Variants in NTNG1 observed in about 807,000 individuals in gnomAD.
NTNG1 encodes the protein netrin G1.
In NTNG1, 16 loss-of-function variants were observed where a neutral mutation model predicts 54.0. The observed-to-expected ratio is 0.30, with a 90% CI of 0.20 to 0.45. NTNG1 has a LOEUF of 0.45. NTNG1 is among the 20% of genes least tolerant of loss of function. The pLI is 1.00. For missense variants in NTNG1, 530 were observed against 678.7 expected (o/e 0.78, Z 2.43); for synonymous variants, 255 against 263.1 (o/e 0.97, Z 0.30).
chr1:107,295,371 A>C (rs1665879289), intron 2 of NTNG1, among the ~76,000 whole-genome samples: 1 of 152,176 alleles, frequency 6.6e-6, no homozygotes, highest in Non-Finnish European at 1.5e-5. Flanking sequence ...TGGATTAAAT[A>C]AGCCAGCTTC....
intron 2 of NTNG1, among the ~76,000 whole-genome samples, chr1:107,190,563 C>T (rs1657827736): frequency 1.3e-5 from 2 of 152,238 alleles, no homozygotes; most frequent in South Asian, 4.1e-4. Context: ...TCTCCTAATG[C>T]TATCCCTCTC....
intron 3 of NTNG1, among the ~76,000 whole-genome samples, chr1:107,360,444 T>C (rs1333155250): frequency 6.6e-6 from 1 of 152,032 alleles, no homozygotes; most frequent in Non-Finnish European, 1.5e-5. Context: ...AAGTACAGTA[T>C]GGAATACTCA....
At chr1:107,263,533 G>A (rs1570530356) in intron 2 of NTNG1, among the ~76,000 whole-genome samples, 1 of 152,142 alleles carries the variant, frequency 6.6e-6, no homozygotes, top group African/African-American at 2.4e-5. Context: ...TTAGCACTTT[G>A]GGGAGGTTGC....
chr1:107,141,691 C>T (rs1653730896), intron 1 of NTNG1, among the ~76,000 whole-genome samples: 1 of 152,018 alleles, frequency 6.6e-6, no homozygotes, highest in South Asian at 2.1e-4. Flanking sequence ...CAAGTCTTCC[C>T]GGGGGTGCGC....
At chr1:107,352,109 T>C (rs565640526) in intron 3 of NTNG1, among the ~76,000 whole-genome samples, 1 of 152,350 alleles carries the variant, frequency 6.6e-6, no homozygotes, top group East Asian at 1.9e-4. Context: ...CTTTCATGGG[T>C]TGGCGTTGAG....
intron 3 of NTNG1, among the ~76,000 whole-genome samples, chr1:107,344,226 T>C (rs1204942745): frequency 6.6e-6 from 1 of 152,158 alleles, no homozygotes; most frequent in Non-Finnish European, 1.5e-5. Flanking sequence ...TTTGGAAACA[T>C]TTACTAATTT....
intron 7 of NTNG1, among the ~76,000 whole-genome samples, chr1:107,460,080 G>A (rs546685758): frequency 5.3e-5 from 8 of 152,132 alleles, no homozygotes; most frequent in Non-Finnish European, 1.0e-4. Flanking sequence ...GCTTTGTCAG[G>A]AAAGGAAAAC....
At chr1:107,362,040 C>T (rs1183928907) in intron 3 of NTNG1, among the ~76,000 whole-genome samples, 2 of 152,108 alleles carry the variant, frequency 1.3e-5, no homozygotes, top group Admixed American at 1.3e-4. Flanking sequence ...TGAAGCTCAT[C>T]CCATATCCAG....
chr1:107,473,025 G>C (rs1040069800), intron 7 of NTNG1, among the ~76,000 whole-genome samples: 2 of 152,146 alleles, frequency 1.3e-5, no homozygotes, highest in Admixed American at 1.3e-4. Flanking sequence ...CTGTTTGGTG[G>C]AGGTTATTCA....
At chr1:107,274,405 CTTGTA>C (rs1466669702) in intron 2 of NTNG1, among the ~76,000 whole-genome samples, 2 of 152,212 alleles carry the variant, frequency 1.3e-5, no homozygotes, top group African/African-American at 4.8e-5. Context: ...ACTGGAAACA[CTTGTA>C]TTGTACTTGA....
chr1:107,226,495 C>T (rs1252864769), intron 2 of NTNG1, among the ~76,000 whole-genome samples: 1 of 152,094 alleles, frequency 6.6e-6, no homozygotes, highest in Non-Finnish European at 1.5e-5. Flanking sequence ...GCCTCCAGGG[C>T]AATCGCATGC....
At chr1:107,374,706 T>G (rs1671124869) in intron 3 of NTNG1, among the ~76,000 whole-genome samples, 1 of 152,166 alleles carries the variant, frequency 6.6e-6, no homozygotes, top group Non-Finnish European at 1.5e-5. Context: ...GGAGTTGATT[T>G]CAGTTGATTA....
Position 107,416,776 on chromosome 1 carries a change from A to G in NTNG1, c.1087+9068A>G, listed in dbSNP as rs1250668362. ...TCATACCAGTACTTGCATTTCATCA[A>G]GACAAACAAGTCACTACTTAACATT... is the stretch of plus-strand genomic sequence containing the variant. On this transcript the variant is annotated intron_variant, in intron 5 of 7. Coordinates refer to ENST00000370068, the MANE Select transcript of NTNG1 (RefSeq NM_001113226.3). Among the ~76,000 whole-genome samples the G allele has an allele frequency of 3.3e-5, 5 of 152,202 alleles. No individual in the cohort carries two copies. The East Asian group carries it at 9.6e-4, about 29-fold the overall frequency.
chr1:107,430,671 T>A (rs982445391), intron 5 of NTNG1, 79 bp from the exon 6 acceptor site: 10 of 1,435,738 alleles, frequency 7.0e-6, no homozygotes, highest in Middle Eastern at 1.7e-4. Context: ...TCTCCATCCC[T>A]CATTTTACCC....
At position 107,358,701 on chromosome 1, in the gene NTNG1, A is replaced by G. The variant is rs562499250; in HGVS notation, c.887+33779A>G. On this transcript the variant is annotated intron_variant, in intron 3 of 7. Coordinates refer to ENST00000370068, the MANE Select transcript of NTNG1 (RefSeq NM_001113226.3). ...AGGCAGAGAGTTTAACAACATCTAC[A>G]AGCTGCTGTTGCTTAAAAACACAGT... is the stretch of plus-strand genomic sequence containing the variant. Among the ~76,000 whole-genome samples the G allele has an allele frequency of 2.0e-5, 3 of 152,094 alleles. No homozygotes were observed. The East Asian group carries it at 5.8e-4, about 29-fold the overall frequency.
intron 2 of NTNG1, among the ~76,000 whole-genome samples, chr1:107,155,162 TTTTTGTTTTG>T: frequency 6.6e-6 from 1 of 152,128 alleles, no homozygotes; most frequent in East Asian, 1.9e-4. Context: ...TTTTCTTTGA[TTTTTGTTTTG>T]TTTTGTTTTG....
At chr1:107,195,030 T>C (rs182117672) in intron 2 of NTNG1, among the ~76,000 whole-genome samples, 302 of 152,152 alleles carry the variant, frequency 2.0e-3, no homozygotes, top group African/African-American at 6.9e-3. Context: ...TGTTAAAGTT[T>C]CACTGCTTAT....
At chr1:107,480,575 C>T (rs1571057699) in intron 7 of NTNG1, 36 bp from the exon 8 acceptor site, 2 of 512,244 alleles carry the variant, frequency 3.9e-6, no homozygotes, top group East Asian at 3.4e-5. Context: ...CTCCTCCCCG[C>T]GCCCACCCAC....
chr1:107,421,027 G>A (rs1441323312), intron 5 of NTNG1: 6 of 1,226,320 alleles, frequency 4.9e-6, no homozygotes, highest in South Asian at 1.3e-5. Flanking sequence ...AGTTATTACA[G>A]TTTGAACGTT....
Sources: gnomAD v4.1 joint callset for allele counts (sites outside exome capture counted in the v4.1 genomes callset) on GRCh38, gnomAD v4.1.1 for gene constraint, MANE v1.5 for transcripts, NCBI Gene and HGNC (gene_info 2026-07-23, HGNC 2026-07-21) for gene names.